The following FRMD5 variants were observed in gnomAD, a reference collection of about 807,000 sequenced individuals.
The protein encoded by FRMD5 is FERM domain containing 5.
A neutral mutation model predicts 69.0 loss-of-function variants in FRMD5; 20 were observed. The ratio of observed to expected loss-of-function variants is 0.29; its 90% CI spans 0.20 to 0.42. The LOEUF is 0.42. FRMD5 is among the 10% of genes least tolerant of loss of function. The probability of loss-of-function intolerance (pLI) is 1.00; values close to 1 mark genes in which losing one functional copy is unlikely to be tolerated. For synonymous variants in FRMD5, 271 were observed against 260.1 expected, an observed-to-expected ratio of 1.04 and a Z score of -0.40; for missense variants, 595 against 708.6, an observed-to-expected ratio of 0.84 and a Z score of 1.82.
At chr15:43,993,729 C>T (rs1274688036) in intron 1 of FRMD5, among the ~76,000 whole-genome samples, 1 of 152,100 alleles carries the variant, frequency 6.6e-6, no homozygotes, top group Non-Finnish European at 1.5e-5. Context: ...CCCTTCAAGT[C>T]CTTTAATATT....
chr15:44,088,452 T>C (rs572720576), intron 1 of FRMD5, among the ~76,000 whole-genome samples: 15 of 152,276 alleles, frequency 9.9e-5, no homozygotes, highest in African/African-American at 3.4e-4. Flanking sequence ...ACGATAATTA[T>C]ATTTATTTAA....
chr15:44,184,475 CT>C (rs1057260486), intron 1 of FRMD5, among the ~76,000 whole-genome samples: 10 of 152,138 alleles, frequency 6.6e-5, no homozygotes, highest in Non-Finnish European at 1.5e-4. Context: ...TAAAAATGAA[CT>C]TAAAGTACAC....
chr15:43,883,498 A>G (rs970126606), intron 13 of FRMD5, among the ~76,000 whole-genome samples: 10 of 152,194 alleles, frequency 6.6e-5, no homozygotes, highest in African/African-American at 2.2e-4. Context: ...CCTCAAATCC[A>G]CAACCCTCCT....
rs200697450 is a variant in FRMD5 at position 43,888,247 on chromosome 15, G to A, written c.812C>T (p.Thr271Ile). The part of the protein sequence containing the change: ...SQKEEKKIIL[T>I]YFAPTPEACK... ...CGCTTCAGGAGTTGGAGCAAAATAT[G>A]TAAGAATAATTTTCTTTTCCTGCAA... The change falls in exon 10 of 14, where the codon ACA (threonine) becomes ATA (isoleucine). Residue 271 changes from threonine (T) to isoleucine (I), a missense_variant. By Grantham distance (89) the Thr-to-Ile change is moderately conservative (BLOSUM62 -1). This residue lies in a region of FRMD5 where 176 missense variants were observed against 266.3 expected (regional missense o/e 0.66). Coordinates refer to ENST00000417257, the MANE Select transcript of FRMD5 (RefSeq NM_032892.5). 6.2e-6 allele frequency: 10 copies of A among 1,613,528 alleles called. No individual in the cohort carries two copies. The highest frequency in any genetic ancestry group is 1.1e-5 in the South Asian group (1 of 91,040).
chr15:44,062,999 A>C (rs1453510652), intron 1 of FRMD5, among the ~76,000 whole-genome samples: 1 of 152,194 alleles, frequency 6.6e-6, no homozygotes, highest in East Asian at 1.9e-4. Flanking sequence ...TAAACCATAC[A>C]ATTTTGATTA....
intron 1 of FRMD5, among the ~76,000 whole-genome samples, chr15:44,074,282 CTTT>C (rs1323250021): frequency 6.6e-6 from 1 of 152,004 alleles, no homozygotes; most frequent in Non-Finnish European, 1.5e-5. Context: ...ACACAAATAT[CTTT>C]TTTTTCTTTT....
chr15:44,194,489 T>G (rs2078250264), intron 1 of FRMD5: 1 of 221,286 alleles, frequency 4.5e-6, no homozygotes, highest in African/African-American at 2.4e-5. Context: ...GGGGAGGAAT[T>G]ATGACATAAA....
chr15:44,127,371 C>T (rs1446280359), intron 1 of FRMD5, among the ~76,000 whole-genome samples: 5 of 152,148 alleles, frequency 3.3e-5, no homozygotes, highest in Non-Finnish European at 5.9e-5. Context: ...TGATTACAGG[C>T]GTAAGCCACC....
intron 1 of FRMD5, among the ~76,000 whole-genome samples, chr15:44,093,218 C>T (rs2076500492): frequency 6.6e-6 from 1 of 152,078 alleles, no homozygotes; most frequent in South Asian, 2.1e-4. Flanking sequence ...GCGTGAGCCA[C>T]CGCACCCAGC....
At chr15:44,120,533 A>ATTTTTT (rs397961745) in intron 1 of FRMD5, among the ~76,000 whole-genome samples, 1 of 137,864 alleles carries the variant, frequency 7.3e-6, no homozygotes, top group Non-Finnish European at 1.5e-5. Context: ...GGAAGAGTGG[A>ATTTTTT]TTTTTTTTTT....
At chr15:43,924,913 A>G (rs928816389) in intron 1 of FRMD5, among the ~76,000 whole-genome samples, 1 of 151,954 alleles carries the variant, frequency 6.6e-6, no homozygotes, top group Non-Finnish European at 1.5e-5. Flanking sequence ...AAAAGGATAT[A>G]CTATGAACAG....
At chr15:44,029,624 G>C (rs1161993164) in intron 1 of FRMD5, among the ~76,000 whole-genome samples, 1 of 152,172 alleles carries the variant, frequency 6.6e-6, no homozygotes, top group Non-Finnish European at 1.5e-5. Flanking sequence ...GACATATGCT[G>C]ACATGGTAAC....
At chr15:43,957,937 C>T (rs1044870277) in intron 1 of FRMD5, among the ~76,000 whole-genome samples, 1 of 152,170 alleles carries the variant, frequency 6.6e-6, no homozygotes, top group Admixed American at 6.5e-5. Flanking sequence ...AGACACTATG[C>T]TTATGTCATT....
intron 1 of FRMD5, among the ~76,000 whole-genome samples, chr15:44,027,939 C>T (rs1389192596): frequency 6.6e-6 from 1 of 151,890 alleles, no homozygotes; most frequent in East Asian, 1.9e-4. Context: ...CCACCGCGCC[C>T]GGCCCTGTGC....
At chr15:44,133,003 C>T (rs1278061664) in intron 1 of FRMD5, among the ~76,000 whole-genome samples, 2 of 151,784 alleles carry the variant, frequency 1.3e-5, no homozygotes, top group African/African-American at 2.4e-5. Context: ...CCTTGTGATC[C>T]GCCCATCTTG....
chr15:43,880,954 G>C (rs1456076897), intron 13 of FRMD5, among the ~76,000 whole-genome samples: 2 of 152,212 alleles, frequency 1.3e-5, no homozygotes, highest in African/African-American at 4.8e-5. Flanking sequence ...CTCAGCCTCA[G>C]CATGTCTCAG....
chr15:43,897,940 A>G (rs1004179333), intron 7 of FRMD5, among the ~76,000 whole-genome samples: 5 of 145,910 alleles, frequency 3.4e-5, no homozygotes, highest in Non-Finnish European at 7.4e-5. Flanking sequence ...TCCTGCTGCC[A>G]TGTAAGACAT....
At chr15:44,040,246 ATAT>A (rs1451761666) in intron 1 of FRMD5, among the ~76,000 whole-genome samples, 3 of 152,206 alleles carry the variant, frequency 2.0e-5, no homozygotes, top group African/African-American at 7.2e-5. Flanking sequence ...ACACTTCAGG[ATAT>A]TATTCAGAAG....
intron 13 of FRMD5, among the ~76,000 whole-genome samples, chr15:43,882,445 G>A (rs912504996): frequency 1.3e-5 from 2 of 151,566 alleles, no homozygotes; most frequent in South Asian, 2.1e-4. Flanking sequence ...TGCAACCTCC[G>A]CCTCCTGGGT....
Sources: allele counts gnomAD v4.1 joint callset (sites outside exome capture counted in the v4.1 genomes callset), GRCh38; gene constraint gnomAD v4.1.1; regional missense constraint gnomAD v4.1.1; transcripts MANE v1.5; gene names NCBI Gene and HGNC (gene_info 2026-07-23, HGNC 2026-07-21).